Variants in ARHGAP26 observed in about 807,000 individuals in gnomAD.
ARHGAP26 encodes the protein Rho GTPase activating protein 26, also known as rho GTPase-activating protein 26.
ARHGAP26 carries 38 observed loss-of-function variants against 104.8 expected under a neutral mutation model. That is an observed-to-expected ratio of 0.36 (90% confidence interval 0.28 to 0.48). The LOEUF is 0.48. ARHGAP26 is among the 20% of genes least tolerant of loss of function. The pLI is 0.99. For missense variants in ARHGAP26, 704 were observed against 947.9 expected, an observed-to-expected ratio of 0.74 and a Z score of 3.38; for synonymous variants, 341 against 340.0, an observed-to-expected ratio of 1.00 and a Z score of -0.03.
intron 1 of ARHGAP26, among the ~76,000 whole-genome samples, chr5:142,808,018 G>A (rs890757155): frequency 6.6e-6 from 1 of 151,824 alleles, no homozygotes; most frequent in Non-Finnish European, 1.5e-5. Flanking sequence ...GGCGGATCAC[G>A]AGGTCAGGAG....
intron 11 of ARHGAP26, among the ~76,000 whole-genome samples, chr5:142,951,032 T>C (rs1026921727): frequency 3.4e-5 from 5 of 146,156 alleles, no homozygotes; most frequent in Non-Finnish European, 7.5e-5. Context: ...TCTCTTTCCC[T>C]TTCCCTTTCC....
chr5:142,828,153 C>T (rs1359715337), intron 1 of ARHGAP26, among the ~76,000 whole-genome samples: 2 of 152,196 alleles, frequency 1.3e-5, no homozygotes, highest in African/African-American at 2.4e-5. Context: ...CCTGGACCTC[C>T]CTGGGAGCCG....
intron 9 of ARHGAP26, 128 bp from the exon 10 acceptor site, chr5:142,913,071 G>A: frequency 1.2e-6 from 1 of 806,182 alleles, no homozygotes; most frequent in Non-Finnish European, 2.1e-6. Context: ...CCCTTCCACT[G>A]CCCATGGTCA....
intron 2 of ARHGAP26, among the ~76,000 whole-genome samples, chr5:142,873,743 C>T (rs1755669041): frequency 6.6e-6 from 1 of 152,116 alleles, no homozygotes. Context: ...GTGGGACTCT[C>T]CTTTCCACCT....
intron 17 of ARHGAP26, among the ~76,000 whole-genome samples, chr5:143,074,913 A>G (rs1177691823): frequency 6.6e-6 from 1 of 152,236 alleles, no homozygotes; most frequent in African/African-American, 2.4e-5. Context: ...CTCACAGCCT[A>G]GAGGGTAGCA....
intron 11 of ARHGAP26, among the ~76,000 whole-genome samples, chr5:142,984,701 T>C (rs768776129): frequency 1.3e-5 from 2 of 152,144 alleles, no homozygotes; most frequent in African/African-American, 2.4e-5. Flanking sequence ...ATAATGGAGC[T>C]AAAAAATTCC....
At chr5:142,925,767 G>C (rs1562092349) in intron 10 of ARHGAP26, among the ~76,000 whole-genome samples, 1 of 152,168 alleles carries the variant, frequency 6.6e-6, no homozygotes, top group African/African-American at 2.4e-5. Flanking sequence ...GGGTGCCTCA[G>C]CTCTTCTACT....
chr5:143,224,537 T>C lies in ARHGAP26; in HGVS notation c.*2091T>C, dbSNP rs938084125. ...TCGAGTTTTTGTCTTTCTTCTCAGGTGTATTTCTTGGTACCCCCAAGATAT... is the reference window on the plus strand; with the variant it reads ...TCGAGTTTTTGTCTTTCTTCTCAGGCGTATTTCTTGGTACCCCCAAGATAT... On this transcript the variant is annotated 3_prime_UTR_variant, in exon 23 of 23. Transcript: ENST00000645722. 1 of 231,042 alleles carries C rather than the reference T, an allele frequency of 4.3e-6. No individual in the cohort carries two copies. Among genetic ancestry groups the C allele is most frequent in the African/African-American group, 2.2e-5 (1 of 45,224 alleles). 14.3% of individuals were successfully genotyped at this position (231,042 alleles called of 1,614,324 possible).
At chr5:142,824,677 C>A (rs1766870350) in intron 1 of ARHGAP26, among the ~76,000 whole-genome samples, 1 of 152,138 alleles carries the variant, frequency 6.6e-6, no homozygotes, top group South Asian at 2.1e-4. Context: ...TCTTGAGACA[C>A]CCACAGAAAA....
chr5:142,845,102 G>A (rs752300988), intron 1 of ARHGAP26, among the ~76,000 whole-genome samples: 7 of 152,174 alleles, frequency 4.6e-5, no homozygotes, highest in Non-Finnish European at 7.3e-5. Context: ...ATCCTGAGGA[G>A]CTGCAGCTCT....
At chr5:143,007,328 T>G (rs575313356) in intron 11 of ARHGAP26, among the ~76,000 whole-genome samples, 28 of 152,240 alleles carry the variant, frequency 1.8e-4, no homozygotes, top group African/African-American at 6.3e-4. Flanking sequence ...TATGTGCTGA[T>G]AGGTTTTAGG....
At chr5:142,992,939 C>G (rs1029723969) in intron 11 of ARHGAP26, among the ~76,000 whole-genome samples, 4 of 152,166 alleles carry the variant, frequency 2.6e-5, no homozygotes, top group African/African-American at 9.7e-5. Flanking sequence ...GCAATTTACT[C>G]TTTCCATATT....
chr5:142,852,960 C>G (rs186685941), intron 1 of ARHGAP26, among the ~76,000 whole-genome samples: 2 of 152,154 alleles, frequency 1.3e-5, no homozygotes, highest in East Asian at 1.9e-4. Context: ...TTTGCAGAGG[C>G]CTGCTGCTTT....
intron 17 of ARHGAP26, chr5:143,103,142 T>G: frequency 5.4e-5 from 32 of 590,930 alleles, no homozygotes; most frequent in Non-Finnish European, 6.4e-5. Context: ...CATCCTTGCC[T>G]GGTATGTCGT....
intron 12 of ARHGAP26, among the ~76,000 whole-genome samples, chr5:143,019,608 C>T (rs1242127354): frequency 6.6e-6 from 1 of 152,148 alleles, no homozygotes; most frequent in Non-Finnish European, 1.5e-5. Context: ...ATTGTCCTGC[C>T]GTCCCACCTG....
At chr5:143,034,953 GGGAAAAAC>G (rs1163848624) in intron 12 of ARHGAP26, among the ~76,000 whole-genome samples, 3 of 152,246 alleles carry the variant, frequency 2.0e-5, no homozygotes, top group Non-Finnish European at 4.4e-5. Flanking sequence ...TATTTATACT[GGGAAAAAC>G]AAGGGATTGG....
At chr5:143,113,067 A>G (rs773383428) in intron 17 of ARHGAP26, among the ~76,000 whole-genome samples, 4 of 152,338 alleles carry the variant, frequency 2.6e-5, no homozygotes, top group Non-Finnish European at 4.4e-5. Flanking sequence ...CTTGAAATTT[A>G]GAACAGTCAG....
chr5:142,930,244 G>T (rs115736212), intron 10 of ARHGAP26, among the ~76,000 whole-genome samples: 192 of 152,312 alleles, frequency 1.3e-3, no homozygotes, highest in African/African-American at 4.3e-3. Flanking sequence ...TTAGAGAAAG[G>T]TGGAAGGGTG....
At chr5:142,865,489 T>G (rs2152325194) in intron 1 of ARHGAP26, among the ~76,000 whole-genome samples, 1 of 151,132 alleles carries the variant, frequency 6.6e-6, no homozygotes, top group Admixed American at 6.6e-5. Context: ...TTTTTTTTTT[T>G]TTTTTTTTTT....
Sources: allele counts gnomAD v4.1 joint callset (sites outside exome capture counted in the v4.1 genomes callset), GRCh38; gene constraint gnomAD v4.1.1; transcripts MANE v1.5; gene names NCBI Gene and HGNC (gene_info 2026-07-23, HGNC 2026-07-21).